Variants in ADCY2 observed in about 807,000 individuals in gnomAD.
The protein encoded by ADCY2 is adenylate cyclase 2, also known as adenylate cyclase type 2.
A neutral mutation model predicts 125.2 loss-of-function variants in ADCY2; 31 were observed. That is an observed-to-expected ratio of 0.25 (90% confidence interval 0.19 to 0.33). The LOEUF (loss-of-function observed/expected upper bound fraction) is 0.33, where lower values mean the gene tolerates loss of function less well. Ranked by LOEUF, ADCY2 falls within the 10% of genes least tolerant of loss-of-function variation. ADCY2 has a pLI of 1.00. For synonymous variants in ADCY2, 512 were observed against 548.4 expected (o/e 0.93, Z 0.93); for missense variants, 904 against 1,418.2 (o/e 0.64, Z 5.82).
chr5:7,594,681 CTT>C (rs1233534803), intron 3 of ADCY2, among the ~76,000 whole-genome samples: 2 of 152,134 alleles, frequency 1.3e-5, no homozygotes, highest in Non-Finnish European at 2.9e-5. Flanking sequence ...ACTTGTCTGT[CTT>C]GTCCTCAATA....
chr5:7,613,630 A>G (rs1481345364), intron 3 of ADCY2, among the ~76,000 whole-genome samples: 1 of 152,216 alleles, frequency 6.6e-6, no homozygotes, highest in Non-Finnish European at 1.5e-5. Flanking sequence ...TTCATCTCAT[A>G]GGCGTGACTG....
intron 7 of ADCY2, among the ~76,000 whole-genome samples, chr5:7,701,146 T>C (rs1166953493): frequency 6.6e-6 from 1 of 152,100 alleles, no homozygotes; most frequent in African/African-American, 2.4e-5. Flanking sequence ...AACCTCAATG[T>C]TGGTTTCAAA....
intron 1 of ADCY2, among the ~76,000 whole-genome samples, chr5:7,410,875 G>A (rs191456103): frequency 6.6e-6 from 1 of 152,038 alleles, no homozygotes; most frequent in Admixed American, 6.6e-5. Flanking sequence ...AACTCAATCA[G>A]AAGAACATGG....
At chr5:7,757,690 C>T (rs572546702) in intron 16 of ADCY2, 104 bp downstream of exon 16, 1 of 1,483,474 alleles carries the variant, frequency 6.7e-7, no homozygotes, top group South Asian at 1.4e-5. Flanking sequence ...ATGGTAAGCC[C>T]CACACCATAG....
Position 7,396,426 on chromosome 5 carries a change from C to T in ADCY2, c.130C>T (p.His44Tyr). ...YESYYCMSQQ[H>Y]PLIVFLLLIV... ...GTCCTACTACTGCATGAGCCAGCAG[C>T]ACCCGCTCATCGTCTTCCTGCTGCT... is the stretch of plus-strand genomic sequence containing the variant. The change falls in exon 1 of 25, where the codon CAC becomes TAC. Residue 44 changes from histidine (H) to tyrosine (Y), a missense_variant. Physicochemically the swap from His to Tyr is moderately conservative, Grantham distance 83. Around this residue, in one of 7 missense-constraint regions of ADCY2, gnomAD observed 113 missense variants for 108.0 expected, o/e 1.05. Coordinates refer to ENST00000338316, the MANE Select transcript of ADCY2 (RefSeq NM_020546.3). This position sits in a 1 kb window ranked among gnomAD's most constrained non-coding sequence, Gnocchi z 5.7. 1.3e-6 allele frequency: 2 copies of T among 1,581,384 alleles called. No individual in the cohort carries two copies. Among genetic ancestry groups the T allele is most frequent in the Non-Finnish European group, 1.7e-6 (2 of 1,164,236 alleles).
At chr5:7,635,625 A>G (rs1015893150) in intron 4 of ADCY2, among the ~76,000 whole-genome samples, 4 of 152,152 alleles carry the variant, frequency 2.6e-5, no homozygotes, top group South Asian at 2.1e-4. Flanking sequence ...TCTGGAGTTA[A>G]AGATGTGAAC....
At chr5:7,755,605 A>G (rs1742968271) in intron 15 of ADCY2, among the ~76,000 whole-genome samples, 1 of 152,124 alleles carries the variant, frequency 6.6e-6, no homozygotes, top group Non-Finnish European at 1.5e-5. Context: ...CTCTGCAAAG[A>G]CAGAGGAGGC....
chr5:7,478,056 T>C (rs1742585859), intron 2 of ADCY2, among the ~76,000 whole-genome samples: 1 of 152,198 alleles, frequency 6.6e-6, no homozygotes, highest in Non-Finnish European at 1.5e-5. Flanking sequence ...AAAATATTGG[T>C]TGATAAAAGT....
chr5:7,587,218 A>G (rs1343289825), intron 3 of ADCY2, among the ~76,000 whole-genome samples: 1 of 152,022 alleles, frequency 6.6e-6, no homozygotes, highest in Admixed American at 6.6e-5. Flanking sequence ...TAACTCAGGG[A>G]TCACCTGCTG....
At chr5:7,650,710 C>G (rs1739059209) in intron 4 of ADCY2, among the ~76,000 whole-genome samples, 1 of 152,104 alleles carries the variant, frequency 6.6e-6, no homozygotes, top group Non-Finnish European at 1.5e-5. Flanking sequence ...AGAGTGTGAA[C>G]TGTGATTTTC....
intron 1 of ADCY2, among the ~76,000 whole-genome samples, chr5:7,411,511 T>C (rs1205037121): frequency 6.6e-6 from 1 of 152,202 alleles, no homozygotes; most frequent in Non-Finnish European, 1.5e-5. Context: ...AGTTTGTGCT[T>C]TTTTGGCTGT....
At chr5:7,670,855 C>T (rs1739910007) in intron 4 of ADCY2, among the ~76,000 whole-genome samples, 1 of 152,228 alleles carries the variant, frequency 6.6e-6, no homozygotes, top group Admixed American at 6.5e-5. Flanking sequence ...CACTCACCTC[C>T]TGCTCTGCGG....
intron 22 of ADCY2, among the ~76,000 whole-genome samples, chr5:7,806,602 GGA>G (rs144376451): frequency 2.6e-5 from 4 of 151,600 alleles, no homozygotes; most frequent in Non-Finnish European, 5.9e-5. Flanking sequence ...CCCATGGAGG[GGA>G]GAGAGAGAGA....
chr5:7,825,399 G>A (rs994437255), intron 24 of ADCY2, among the ~76,000 whole-genome samples: 1 of 152,222 alleles, frequency 6.6e-6, no homozygotes, highest in African/African-American at 2.4e-5. Context: ...TAGCAACACT[G>A]CTGTGTGCCA....
At position 7,476,663 on chromosome 5, in the gene ADCY2, C is replaced by T. The variant is rs548268765; in HGVS notation, c.409-44075C>T. On this transcript the variant is annotated intron_variant, in intron 2 of 24. Transcript: ENST00000338316. ...GAAGAGATCCAGATTTCCCAAAAGC[C>T]GCTTCTCAGAGCTGATTCTTATGGT... 7.2e-4 allele frequency among the ~76,000 whole-genome samples: 110 copies of T among 152,248 alleles called. 6 individuals are homozygous for T. The South Asian group carries it at 0.021, about 28-fold the overall frequency.
rs1441678000 is a variant in ADCY2, at chr5:7,437,442, C to T, written c.408+22672C>T. ...GAAGTTAAGAGCACAGGTCTGCAAT[C>T]CACTGAACTAGGCCACTTTCAGTGT... On this transcript the variant is annotated intron_variant, in intron 2 of 24. Coordinates refer to ENST00000338316, the MANE Select transcript of ADCY2 (RefSeq NM_020546.3). 1.3e-5 allele frequency among the ~76,000 whole-genome samples: 2 copies of T among 152,354 alleles called. 1 individual carries two copies. Among genetic ancestry groups the T allele is most frequent in the Admixed American group, 1.3e-4 (2 of 15,310 alleles).
At chr5:7,412,861 G>T (rs564289787) in intron 1 of ADCY2, among the ~76,000 whole-genome samples, 1 of 152,286 alleles carries the variant, frequency 6.6e-6, no homozygotes, top group Non-Finnish European at 1.5e-5. Context: ...TAACACTAGT[G>T]CCCCCCATCC....
chr5:7,709,205 C>T lies in ADCY2; in HGVS notation c.1402-6C>T, dbSNP rs752657189. 6.2e-7 allele frequency: 1 copy of T among 1,604,020 alleles called. No individual in the cohort carries two copies. Among genetic ancestry groups the T allele is most frequent in the Admixed American group, 1.7e-5 (1 of 58,924 alleles). ...CCAGGTGTGATGCTTTGTTTCTCAC[C>T]CCAAGGGAGAACGACGGAGCCCCCA... On this transcript the variant is annotated splice_region_variant and splice_polypyrimidine_tract_variant and intron_variant, in intron 9 of 24. Coordinates refer to ENST00000338316, the MANE Select transcript of ADCY2 (RefSeq NM_020546.3). The surrounding 1 kb of genome is among the most constrained non-coding windows in gnomAD (Gnocchi z 4.4).
intron 4 of ADCY2, among the ~76,000 whole-genome samples, chr5:7,654,466 C>T (rs142574670): frequency 1.0e-3 from 157 of 152,188 alleles, no homozygotes; most frequent in African/African-American, 3.3e-3. Flanking sequence ...GGAGCGACAT[C>T]CTTGAGTAGG....
Sources: gnomAD v4.1 joint callset for allele counts (sites outside exome capture counted in the v4.1 genomes callset) on GRCh38, gnomAD v4.1.1 for gene constraint, gnomAD v4.1.1 regional missense constraint, Gnocchi (gnomAD v3.1) non-coding constraint, MANE v1.5 for transcripts, NCBI Gene and HGNC (gene_info 2026-07-23, HGNC 2026-07-21) for gene names.